The following RASAL2 variants were observed in gnomAD, a reference collection of about 807,000 sequenced individuals.
The protein encoded by RASAL2 is RAS protein activator like 2.
A neutral mutation model predicts 128.9 loss-of-function variants in RASAL2; 58 were observed. The ratio of observed to expected loss-of-function variants is 0.45; its 90% CI spans 0.36 to 0.56. The LOEUF is 0.56. Ranked by LOEUF, RASAL2 falls within the 20% of genes least tolerant of loss-of-function variation. The pLI is 0.00. For synonymous variants in RASAL2, 561 were observed against 580.8 expected, an observed-to-expected ratio of 0.97 and a Z score of 0.49; for missense variants, 1,360 against 1,601.6, an observed-to-expected ratio of 0.85 and a Z score of 2.57.
chr1:178,155,492 G>T (rs914457898), intron 1 of RASAL2, among the ~76,000 whole-genome samples: 2 of 149,224 alleles, frequency 1.3e-5, no homozygotes, highest in African/African-American at 2.5e-5. Context: ...TTAGAAGTAC[G>T]ATGTTGACAT....
intron 4 of RASAL2, among the ~76,000 whole-genome samples, chr1:178,397,712 C>T (rs1168711659): frequency 1.3e-5 from 2 of 151,642 alleles, no homozygotes; most frequent in Non-Finnish European, 2.9e-5. Flanking sequence ...CAGGCTCAAA[C>T]GAACCTCCCA....
chr1:178,136,756 CAAAAAAAAAAA>C (rs397982072), intron 1 of RASAL2, among the ~76,000 whole-genome samples: 15 of 47,208 alleles, frequency 3.2e-4, no homozygotes, highest in African/African-American at 1.1e-3. Flanking sequence ...GACTCTGTCT[CAAAAAAAAAAA>C]AAAAAAAAAA....
At chr1:178,373,224 A>G (rs968998813) in intron 3 of RASAL2, among the ~76,000 whole-genome samples, 1 of 138,968 alleles carries the variant, frequency 7.2e-6, no homozygotes, top group Non-Finnish European at 1.5e-5. Flanking sequence ...TATAGTTAGC[A>G]TAAGTTTATC....
intron 7 of RASAL2, among the ~76,000 whole-genome samples, chr1:178,442,006 T>C (rs1256901911): frequency 6.6e-6 from 1 of 151,346 alleles, no homozygotes; most frequent in Non-Finnish European, 1.5e-5. Context: ...AGAGAGAGAG[T>C]GTGTGTGTGA....
rs773249952 is a variant in RASAL2, at chr1:178,464,259, A to G, written c.3253-19A>G. On this transcript the variant is annotated intron_variant, in intron 14 of 17. Transcript: ENST00000367649. ...GGGTGAGCTGTTAGGGGAAATGCTA[A>G]TAACTGTTTCTGATGCAGGTTCAGT... 3.1e-6 allele frequency: 5 copies of G among 1,599,634 alleles called. No homozygotes were observed. Among genetic ancestry groups the G allele is most frequent in the Non-Finnish European group, 4.3e-6 (5 of 1,172,008 alleles).
At chr1:178,425,533 C>T (rs974250709) in intron 5 of RASAL2, among the ~76,000 whole-genome samples, 7 of 151,854 alleles carry the variant, frequency 4.6e-5, no homozygotes, top group African/African-American at 1.5e-4. Flanking sequence ...AGTTTAGTTG[C>T]CAATTAACAG....
rs397982072 is a variant in RASAL2, at chr1:178,136,756, C to CAA, written c.202+42091_202+42092dup. On this transcript the variant is annotated intron_variant, in intron 1 of 17. Coordinates refer to ENST00000367649, the MANE Select transcript of RASAL2 (RefSeq NM_170692.4). ...TAGGTGACAAAGTGAGACTCTGTCT[C>CAA]AAAAAAAAAAAAAAAAAAAAAAAAA... Among the ~76,000 whole-genome samples, 85 of 47,202 alleles carry CAA rather than the reference C, an allele frequency of 1.8e-3. 4 individuals carry two copies. The highest frequency in any genetic ancestry group is 4.7e-3 in the African/African-American group (46 of 9,798). The allele number at this position is 47,202 out of a possible 152,430, so 31.0% of individuals were successfully genotyped here.
At chr1:178,328,182 A>G (rs1449279294) in intron 3 of RASAL2, among the ~76,000 whole-genome samples, 1 of 152,192 alleles carries the variant, frequency 6.6e-6, no homozygotes, top group Non-Finnish European at 1.5e-5. Flanking sequence ...CTCATCTCCT[A>G]TCACGTTTTT....
At chr1:178,307,306 A>G (rs944888710) in intron 3 of RASAL2, among the ~76,000 whole-genome samples, 9 of 152,150 alleles carry the variant, frequency 5.9e-5, no homozygotes, top group African/African-American at 2.2e-4. Context: ...ACTGAAAATG[A>G]GATGTTTTCT....
chr1:178,446,774 TA>T (rs1677030439), intron 9 of RASAL2, among the ~76,000 whole-genome samples: 3 of 152,190 alleles, frequency 2.0e-5, no homozygotes. Flanking sequence ...CAAATAATTT[TA>T]AAAAAATTGA....
rs1174654251 is a variant in RASAL2 at position 178,478,693 on chromosome 1, C to T, written c.*5454C>T. 9 of 152,158 alleles carry T rather than the reference C, an allele frequency of 5.9e-5. No individual in the cohort carries two copies. The East Asian group carries it at 1.5e-3, about 26-fold the overall frequency. 9.4% of individuals were successfully genotyped at this position (152,158 alleles called of 1,614,324 possible). On this transcript the variant is annotated 3_prime_UTR_variant, in exon 18 of 18. Coordinates refer to ENST00000367649, the MANE Select transcript of RASAL2 (RefSeq NM_170692.4). The stretch of plus-strand genomic sequence containing the variant: ...TTTAGATTATTCCGTATGTGAGATC[C>T]GTATCAGCATTTCATTACCTGGGTT...
At chr1:178,203,862 T>A (rs923632252) in intron 1 of RASAL2, among the ~76,000 whole-genome samples, 6 of 152,202 alleles carry the variant, frequency 3.9e-5, no homozygotes, top group African/African-American at 1.2e-4. Context: ...TACCATACTC[T>A]GTGATTAAGG....
intron 3 of RASAL2, among the ~76,000 whole-genome samples, chr1:178,337,806 A>G (rs1669669510): frequency 1.3e-5 from 2 of 151,502 alleles, no homozygotes; most frequent in South Asian, 4.2e-4. Context: ...ATCTCAGCTC[A>G]CTGCAATCTC....
intron 4 of RASAL2, chr1:178,411,835 C>T: frequency 2.6e-6 from 2 of 761,458 alleles, no homozygotes; most frequent in Non-Finnish European, 2.5e-6. Context: ...TATCACTGCC[C>T]TACACGTCAA....
intron 14 of RASAL2, 46 bp downstream of exon 14, chr1:178,458,590 G>C: frequency 6.6e-7 from 1 of 1,523,408 alleles, no homozygotes; most frequent in Non-Finnish European, 8.8e-7. Flanking sequence ...TGGTCCATCT[G>C]TTTCCTTGGT....
chr1:178,236,141 T>C (rs1044146131), intron 1 of RASAL2, among the ~76,000 whole-genome samples: 1 of 152,164 alleles, frequency 6.6e-6, no homozygotes, highest in African/African-American at 2.4e-5. Flanking sequence ...TAGTCTCTTT[T>C]GTTCAGATAT....
chr1:178,381,456 T>C (rs1344505662), intron 3 of RASAL2, among the ~76,000 whole-genome samples: 1 of 151,804 alleles, frequency 6.6e-6, no homozygotes, highest in Non-Finnish European at 1.5e-5. Context: ...CATAGGCTCC[T>C]TTCTTTTTTA....
chr1:178,152,526 G>A (rs576852642), intron 1 of RASAL2, among the ~76,000 whole-genome samples: 12 of 152,102 alleles, frequency 7.9e-5, no homozygotes, highest in African/African-American at 1.4e-4. Context: ...TTAGCCAAGC[G>A]TGGTGGCGGG....
chr1:178,171,249 G>C (rs897704180), intron 1 of RASAL2, among the ~76,000 whole-genome samples: 1 of 151,866 alleles, frequency 6.6e-6, no homozygotes, highest in Non-Finnish European at 1.5e-5. Context: ...TCAGCACATT[G>C]TACCTGCTCA....
Sources: gnomAD v4.1 joint callset for allele counts (sites outside exome capture counted in the v4.1 genomes callset) on GRCh38, gnomAD v4.1.1 for gene constraint, MANE v1.5 for transcripts, NCBI Gene and HGNC (gene_info 2026-07-23, HGNC 2026-07-21) for gene names.